Variants in NHSL2 observed in about 807,000 individuals in gnomAD.
The protein encoded by NHSL2 is NHS-like protein 2.
In NHSL2, 27 loss-of-function variants were observed where a neutral mutation model predicts 53.4. The observed-to-expected ratio is 0.51, with a 90% CI of 0.37 to 0.70. NHSL2 has a LOEUF of 0.70. Ranked by LOEUF, NHSL2 falls within the 30% of genes least tolerant of loss-of-function variation. NHSL2 has a pLI of 0.00. For missense variants in NHSL2, 892 were observed against 980.1 expected (o/e 0.91, Z 1.20); for synonymous variants, 408 against 404.1 (o/e 1.01, Z -0.12).
At chrX:71,918,882 T>TA (rs1456105110) in intron 1 of NHSL2, among the ~76,000 whole-genome samples, 1 of 112,391 alleles carries the variant, frequency 8.9e-6, no homozygotes, top group Non-Finnish European at 1.9e-5. Flanking sequence ...GATAGACTAA[T>TA]ATACAGCCAT....
chrX:72,119,204 A>G (rs762302552), intron 1 of NHSL2, among the ~76,000 whole-genome samples: 1 of 111,810 alleles, frequency 8.9e-6, no homozygotes, highest in East Asian at 2.8e-4. Flanking sequence ...GACATTGGGA[A>G]TTGTGAGTCC....
Position 72,142,380 on chromosome X carries a change from C to G in NHSL2, c.3356+16C>G. 5 of 1,104,265 alleles carry G rather than the reference C, an allele frequency of 4.5e-6. No homozygotes were observed. Among genetic ancestry groups the G allele is most frequent in the Non-Finnish European group, 6.0e-6 (5 of 830,900 alleles). The allele number at this position is 1,104,265 out of a possible 1,213,427, so 91.0% of individuals were successfully genotyped here. A position where few individuals can be genotyped will look rare whatever the true frequency, so the allele number is the denominator to read the frequency against. On this transcript the variant is annotated intron_variant, in intron 7 of 7. Transcript: ENST00000633930. ...TGATACACAGGTCTGCACCAATTTC[C>G]TTAATTCTAATTGCAATTGCCTTCC...
rs1257052564 is a variant in NHSL2, at chrX:72,134,552, G to T, written c.608G>T (p.Gly203Val). ...AGCGAGGATGAGACTACCACCCAGG[G>T]TGTGAGGGCCCCCGAGGCCTCCCTG... The part of the protein sequence containing the change: ...QLSEDETTTQ[G>V]VRAPEASLSL... The change falls in exon 4 of 8, where the codon GGT (glycine) becomes GTT (valine). Residue 203 changes from glycine (G) to valine (V), a missense_variant. By Grantham distance (109) the Gly-to-Val change is moderately radical. Coordinates refer to ENST00000633930, the MANE Select transcript of NHSL2 (RefSeq NM_001013627.3). 8.6e-7 allele frequency: 1 copy of T among 1,166,281 alleles called. No individual in the cohort carries two copies. The highest frequency in any genetic ancestry group is 1.8e-5 in the African/African-American group (1 of 56,086).
chrX:71,936,040 G>C (rs141581048), intron 1 of NHSL2, among the ~76,000 whole-genome samples: 2 of 112,156 alleles, frequency 1.8e-5, no homozygotes, highest in African/African-American at 6.5e-5. Flanking sequence ...GGCACACACA[G>C]GTAAAGTTAC....
At chrX:72,008,481 G>C (rs1391592358) in intron 1 of NHSL2, among the ~76,000 whole-genome samples, 1 of 112,065 alleles carries the variant, frequency 8.9e-6, no homozygotes, top group Non-Finnish European at 1.9e-5. Flanking sequence ...TGCGGCTTTG[G>C]GGTGGGGTAA....
chrX:72,143,201 T>C (rs749380648), intron 7 of NHSL2, 52 bp from the exon 8 acceptor site: 3 of 917,412 alleles, frequency 3.3e-6, no homozygotes, highest in Non-Finnish European at 4.5e-6. Flanking sequence ...TGTGAAGCAC[T>C]GGTAAATGTC....
intron 1 of NHSL2, among the ~76,000 whole-genome samples, chrX:72,000,024 T>C (rs182913198): frequency 5.6e-4 from 63 of 112,448 alleles, no homozygotes; most frequent in African/African-American, 1.9e-3. Flanking sequence ...TTCAGTATTA[T>C]CTGTAAATTG....
At chrX:71,916,207 G>T (rs1251326633) in intron 1 of NHSL2, among the ~76,000 whole-genome samples, 1 of 111,694 alleles carries the variant, frequency 9.0e-6, no homozygotes, top group Admixed American at 9.5e-5. Context: ...CCTGCATCCT[G>T]ACTATTTTCT....
At chrX:72,136,999 A>G (rs2042360929) in intron 4 of NHSL2, 95 bp from the exon 5 acceptor site, 1 of 775,059 alleles carries the variant, frequency 1.3e-6, no homozygotes, top group Non-Finnish European at 1.9e-6. Flanking sequence ...ATTCATGCTT[A>G]TCACGACTGC....
chrX:72,052,084 C>G (rs2042343653), intron 1 of NHSL2, among the ~76,000 whole-genome samples: 1 of 112,295 alleles, frequency 8.9e-6, no homozygotes, highest in Non-Finnish European at 1.9e-5. Context: ...CAAAATGGAT[C>G]TCGTTTTCCT....
intron 1 of NHSL2, among the ~76,000 whole-genome samples, chrX:72,119,707 A>G (rs1041655061): frequency 8.9e-6 from 1 of 112,043 alleles, no homozygotes; most frequent in African/African-American, 3.2e-5. Flanking sequence ...AATATGGGTT[A>G]CTTCTCCCTT....
chrX:72,048,470 T>C (rs374273396), intron 1 of NHSL2, among the ~76,000 whole-genome samples: 3 of 110,276 alleles, frequency 2.7e-5, no homozygotes, highest in East Asian at 5.7e-4. Flanking sequence ...GGCCACCACT[T>C]TCTCGGAATT....
At chrX:72,079,373 C>A (rs931560702) in intron 1 of NHSL2, among the ~76,000 whole-genome samples, 2 of 112,242 alleles carry the variant, frequency 1.8e-5, no homozygotes, top group African/African-American at 3.2e-5. Flanking sequence ...TAGGGAAGAT[C>A]GGCAGGGTTC....
At position 71,910,940 on chromosome X, in the gene NHSL2, GCGCC is replaced by G. The variant is rs1331499125; in HGVS notation, c.-144_-141del. On this transcript the variant is annotated 5_prime_UTR_variant, in exon 1 of 8. Transcript: ENST00000633930. ...CCCGCCTACCCGCCCGTCGTCTTTG[GCGCC>G]CGCACGCTCTCCGGCCCGCGCCCAG... is the stretch of plus-strand genomic sequence containing the variant. The G allele has an allele frequency of 8.1e-6, 3 of 368,516 alleles. No individual in the cohort carries two copies. The highest frequency in any genetic ancestry group is 8.1e-5 in the African/African-American group (3 of 36,935). The allele number at this position is 368,516 out of a possible 1,213,427, so 30.4% of individuals were successfully genotyped here.
Position 72,099,648 on chromosome X carries a change from C to T in NHSL2, c.281-32431C>T, listed in dbSNP as rs2041975062. On this transcript the variant is annotated intron_variant, in intron 1 of 7. Transcript: ENST00000633930. ...CCTCCCAAAGTGCTGGGATTGCAGG[C>T]GTGAGCCGCCACGCCGGCCACCAGT... is the stretch of plus-strand genomic sequence containing the variant. Among the ~76,000 whole-genome samples, 4 of 111,513 alleles carry T rather than the reference C, an allele frequency of 3.6e-5. No individual in the cohort carries two copies. In the South Asian group the frequency reaches 1.1e-3, roughly 31 times the overall value.
chrX:71,977,967 C>T (rs1383142981), intron 1 of NHSL2, among the ~76,000 whole-genome samples: 1 of 111,142 alleles, frequency 9.0e-6, no homozygotes, highest in African/African-American at 3.3e-5. Flanking sequence ...GGCCTGGGTT[C>T]AGATTCCATC....
chrX:71,953,146 A>G (rs962010068), intron 1 of NHSL2, among the ~76,000 whole-genome samples: 1 of 111,245 alleles, frequency 9.0e-6, no homozygotes, highest in Non-Finnish European at 1.9e-5. Context: ...TAAGACCAGA[A>G]GAGACCATAT....
intron 1 of NHSL2, among the ~76,000 whole-genome samples, chrX:71,999,505 A>G (rs1251388439): frequency 8.9e-6 from 1 of 112,238 alleles, no homozygotes; most frequent in Non-Finnish European, 1.9e-5. Context: ...GAGAAAACAG[A>G]AGACAAACTG....
At chrX:72,104,761 G>A (rs1410258682) in intron 1 of NHSL2, among the ~76,000 whole-genome samples, 1 of 111,311 alleles carries the variant, frequency 9.0e-6, no homozygotes, top group Admixed American at 9.5e-5. Context: ...AATGCAAGTG[G>A]GCAGACTGGG....
Sources: allele counts gnomAD v4.1 joint callset (sites outside exome capture counted in the v4.1 genomes callset), GRCh38; gene constraint gnomAD v4.1.1; transcripts MANE v1.5; gene names NCBI Gene and HGNC (gene_info 2026-07-23, HGNC 2026-07-21).